DHX35: variants seen among roughly 807,000 people sequenced by gnomAD.
The protein encoded by DHX35 is DEAH-box helicase 35.
A neutral mutation model predicts 99.6 loss-of-function variants in DHX35; 84 were observed. The observed-to-expected ratio is 0.84, with a 90% CI of 0.71 to 1.01. DHX35 has a LOEUF of 1.01. Ranked by LOEUF, DHX35 falls within the 50% of genes least tolerant of loss-of-function variation. The pLI is 0.00. For synonymous variants in DHX35, 331 were observed against 316.2 expected, an observed-to-expected ratio of 1.05 and a Z score of -0.50; for missense variants, 852 against 888.5, an observed-to-expected ratio of 0.96 and a Z score of 0.52.
intron 15 of DHX35, 47 bp downstream of exon 15, chr20:39,018,946 A>C (rs1310214323): frequency 6.3e-7 from 1 of 1,596,232 alleles, no homozygotes; most frequent in Admixed American, 1.7e-5. Flanking sequence ...TGACTGTCAG[A>C]GGTGTTGTTT....
At chr20:38,994,129 C>T (rs2086385889) in intron 7 of DHX35, among the ~76,000 whole-genome samples, 1 of 151,994 alleles carries the variant, frequency 6.6e-6, no homozygotes, top group Non-Finnish European at 1.5e-5. Flanking sequence ...ATTCCATTGC[C>T]AAAGATTTAG....
intron 3 of DHX35, chr20:38,977,796 C>T: frequency 6.0e-6 from 3 of 503,136 alleles, no homozygotes; most frequent in Non-Finnish European, 1.1e-5. Context: ...GGATTCTTGT[C>T]CTTTTGATCT....
chr20:38,994,642 CCT>C (rs1491588794), intron 7 of DHX35, among the ~76,000 whole-genome samples, 177 bp from the exon 8 acceptor site: 6 of 132,636 alleles, frequency 4.5e-5, no homozygotes, highest in African/African-American at 1.4e-4. Flanking sequence ...CCCCCCCCCC[CCT>C]TTATTGACAA....
At position 39,028,491 on chromosome 20, in the gene DHX35, A is replaced by C; in HGVS notation, c.1875A>C (p.Gly625=). The change falls in exon 19 of 22, where the codon GGA becomes GGC. Residue 625 remains glycine (G), a synonymous_variant. Coordinates refer to ENST00000252011, the MANE Select transcript of DHX35 (RefSeq NM_021931.4). The part of the protein sequence containing the change: ...FANAARFHST[G]AYRTIRDDHE... ...ATGCAGCGAGGTTTCATTCTACTGG[A>C]GCTTATAGGTAACATGATACTTGGT... The C allele has an allele frequency of 1.9e-6, 3 of 1,614,080 alleles. No individual in the cohort carries two copies. The highest frequency in any genetic ancestry group is 2.5e-6 in the Non-Finnish European group (3 of 1,179,992).
rs1481023473 is a variant in DHX35, at chr20:39,006,129, T to G, written c.1012-17T>G. The G allele has an allele frequency of 6.2e-7, 1 of 1,603,526 alleles. No individual in the cohort carries two copies. Among genetic ancestry groups the G allele is most frequent in the African/African-American group, 1.3e-5 (1 of 74,758 alleles). ...AGAATAAAATGAGTTTTATTCTTCT[T>G]TCTGTGGGGAACGTAGGTGATAGTG... is the stretch of plus-strand genomic sequence containing the variant. On this transcript the variant is annotated splice_polypyrimidine_tract_variant and intron_variant, in intron 11 of 21. Transcript: ENST00000252011.
intron 3 of DHX35, chr20:38,977,893 G>T: frequency 1.7e-6 from 1 of 575,234 alleles, no homozygotes; most frequent in Non-Finnish European, 3.3e-6. Context: ...TTTCTTTACT[G>T]GGGCTTTTTC....
chr20:39,001,845 T>TGAATTC lies in DHX35; in HGVS notation c.755+3_755+4insGAATTC. The TGAATTC allele has an allele frequency of 4.4e-6, 7 of 1,593,168 alleles. No individual in the cohort carries two copies. The highest frequency in any genetic ancestry group is 5.2e-6 in the Non-Finnish European group (6 of 1,162,856). ...GTGGATATCTTTTATCTACAAAGGT[T>TGAATTC]TGATGATGCTTGAATTCTGGATGAT... On this transcript the variant is annotated splice_donor_region_variant and intron_variant, in intron 9 of 21. Coordinates refer to ENST00000252011, the MANE Select transcript of DHX35 (RefSeq NM_021931.4).
chr20:38,989,791 T>A (rs2086309616), intron 5 of DHX35, among the ~76,000 whole-genome samples: 1 of 152,182 alleles, frequency 6.6e-6, no homozygotes, highest in African/African-American at 2.4e-5. Context: ...TTAAAATAAT[T>A]AGTATCAATA....
chr20:39,011,972 G>A (rs1411253605), intron 13 of DHX35, among the ~76,000 whole-genome samples: 1 of 152,258 alleles, frequency 6.6e-6, no homozygotes, highest in Non-Finnish European at 1.5e-5. Flanking sequence ...AACAGGCTGA[G>A]CGTGGTGGCT....
chr20:39,003,961 T>A, intron 11 of DHX35, 54 bp downstream of exon 11: 1 of 1,595,820 alleles, frequency 6.3e-7, no homozygotes, highest in Non-Finnish European at 8.6e-7. Context: ...ATCATAATGA[T>A]GCTCCTTTAC....
chr20:39,014,921 G>C lies in DHX35; in HGVS notation c.1389G>C (p.Leu463=). 1 of 1,614,126 alleles carries C rather than the reference G, an allele frequency of 6.2e-7. No individual in the cohort carries two copies. Residue 463 remains leucine (L), a synonymous_variant, in exon 14 of 22, where the codon CTG becomes CTC. Coordinates refer to ENST00000252011, the MANE Select transcript of DHX35 (RefSeq NM_021931.4). The part of the protein sequence containing the change: ...AQSMVQALEL[L]YALGGLDKDC... ...CGATGGTTCAAGCCTTGGAGTTACT[G>C]TATGCTCTGGGAGGTATGCCAGTTT...
At chr20:38,969,385 A>G (rs550923559) in intron 2 of DHX35, among the ~76,000 whole-genome samples, 171 bp downstream of exon 2, 8 of 152,216 alleles carry the variant, frequency 5.3e-5, no homozygotes, top group Non-Finnish European at 1.2e-4. Flanking sequence ...TAACCTTATA[A>G]ATCTTGAAAG....
intron 20 of DHX35, among the ~76,000 whole-genome samples, chr20:39,031,647 GT>G (rs1339753776): frequency 6.6e-6 from 1 of 152,140 alleles, no homozygotes; most frequent in East Asian, 1.9e-4. Context: ...CCAGCCCACA[GT>G]TTTGACATAG....
intron 17 of DHX35, among the ~76,000 whole-genome samples, chr20:39,024,319 A>C (rs1255541855): frequency 2.0e-5 from 3 of 152,268 alleles, no homozygotes; most frequent in Non-Finnish European, 4.4e-5. Context: ...AAAATTGTTA[A>C]TAAAGGTGAT....
At chr20:39,021,233 G>A (rs1267970492) in intron 15 of DHX35, among the ~76,000 whole-genome samples, 1 of 152,194 alleles carries the variant, frequency 6.6e-6, no homozygotes, top group Non-Finnish European at 1.5e-5. Context: ...GGCACAAGCC[G>A]CTCATTCCCT....
rs1429500947 is a variant in DHX35 at position 39,002,839 on chromosome 20, G to A, written c.823G>A (p.Gly275Arg). The part of the protein sequence containing the change: ...VVKIHQTEGD[G>R]DVLAFLTGQE... ...GAAAATTCACCAGACAGAGGGAGAC[G>A]GAGACGTTTTAGCATTTCTTACTGG... Residue 275 changes from glycine (G) to arginine (R), a missense_variant, in exon 10 of 22, where the codon GGA (glycine) becomes AGA (arginine). By Grantham distance (125) the Gly-to-Arg change is moderately radical. Coordinates refer to ENST00000252011, the MANE Select transcript of DHX35 (RefSeq NM_021931.4). 20 of 1,614,144 alleles carry A rather than the reference G, an allele frequency of 1.2e-5. No individual in the cohort carries two copies. The highest frequency in any genetic ancestry group is 1.6e-5 in the Non-Finnish European group (19 of 1,180,010).
In DHX35 at chr20:38,988,844, C is replaced by T. The variant is rs1568727170; in HGVS notation, c.377C>T (p.Ala126Val). The change falls in exon 5 of 22, where the codon GCA (alanine) becomes GTA (valine). Residue 126 changes from alanine (A) to valine (V), a missense_variant. By Grantham distance (64) the Ala-to-Val change is moderately conservative. Transcript: ENST00000252011. ...VAGRVAEERG[A>V]VLGHEVGYCI... ...GGGAGAGTAGCTGAAGAAAGGGGTG[C>T]AGTGCTGGGCCACGAGGTGGGCTAC... The T allele has an allele frequency of 1.2e-6, 2 of 1,613,542 alleles. No individual in the cohort carries two copies. The highest frequency in any genetic ancestry group is 2.2e-5 in the South Asian group (2 of 91,076).
At chr20:38,964,665 G>A (rs910179073) in intron 1 of DHX35, among the ~76,000 whole-genome samples, 4 of 152,130 alleles carry the variant, frequency 2.6e-5, no homozygotes, top group Non-Finnish European at 4.4e-5. Context: ...TTTTGATCCC[G>A]TGATCTGCCC....
intron 13 of DHX35, among the ~76,000 whole-genome samples, chr20:39,010,996 T>C (rs1350339682): frequency 1.3e-5 from 2 of 152,230 alleles, no homozygotes; most frequent in African/African-American, 2.4e-5. Flanking sequence ...GGTACTTCCA[T>C]TGTGCCATGT....
Sources: allele counts gnomAD v4.1 joint callset (sites outside exome capture counted in the v4.1 genomes callset), GRCh38; gene constraint gnomAD v4.1.1; transcripts MANE v1.5; gene names NCBI Gene and HGNC (gene_info 2026-07-23, HGNC 2026-07-21).